Variants in GGA3 observed in about 807,000 individuals in gnomAD.
GGA3 encodes the protein golgi associated, gamma adaptin ear containing, ARF binding protein 3.
Under a neutral mutation model 77.5 loss-of-function variants are expected in GGA3, and 57 were observed. That is an observed-to-expected ratio of 0.74 (90% confidence interval 0.59 to 0.92). GGA3 has a LOEUF of 0.92. GGA3 is among the 40% of genes least tolerant of loss of function. The probability of loss-of-function intolerance (pLI) is 0.00; values close to 1 mark genes in which losing one functional copy is unlikely to be tolerated. For missense variants in GGA3, 970 were observed against 914.9 expected (o/e 1.06, Z -0.78); for synonymous variants, 416 against 383.7 (o/e 1.08, Z -0.98).
intron 1 of GGA3, among the ~76,000 whole-genome samples, chr17:75,253,746 G>A (rs1407758013): frequency 6.6e-6 from 1 of 151,934 alleles, no homozygotes. Context: ...TGGAGGGTAA[G>A]AACCCTCGAA....
At chr17:75,251,102 C>G (rs950094181) in intron 1 of GGA3, among the ~76,000 whole-genome samples, 4 of 151,744 alleles carry the variant, frequency 2.6e-5, no homozygotes, top group African/African-American at 9.7e-5. Flanking sequence ...ATCTACGTAA[C>G]AAATGACTTA....
In GGA3 at chr17:75,237,444, T is replaced by A; in HGVS notation, c.*835A>T. On this transcript the variant is annotated 3_prime_UTR_variant, in exon 17 of 17. Transcript: ENST00000537686. Reference sequence around the variant, plus strand: ...TAGATTCCAAGGGGAGGATAGCAGTTTATTTCATGCCAAGCAAGAGGTAGT... The same window carrying A: ...TAGATTCCAAGGGGAGGATAGCAGTATATTTCATGCCAAGCAAGAGGTAGT... 1.3e-6 allele frequency: 2 copies of A among 1,524,298 alleles called. No homozygotes were observed. Among genetic ancestry groups the A allele is most frequent in the Non-Finnish European group, 1.8e-6 (2 of 1,136,186 alleles). The allele number at this position is 1,524,298 out of a possible 1,614,324, so 94.4% of individuals were successfully genotyped here.
At chr17:75,252,245 T>TA (rs772313660) in intron 1 of GGA3, among the ~76,000 whole-genome samples, 1 of 151,682 alleles carries the variant, frequency 6.6e-6, no homozygotes, top group East Asian at 1.9e-4. Context: ...GTTCTTTTTT[T>TA]AGAGATGGGG....
intron 1 of GGA3, among the ~76,000 whole-genome samples, chr17:75,251,448 C>T (rs2076962498): frequency 6.6e-6 from 1 of 151,930 alleles, no homozygotes. Context: ...TGGCTCACAC[C>T]CGCAATCCCA....
Position 75,236,956 on chromosome 17 carries a change from A to C in GGA3, c.*1323T>G. 6.0e-6 allele frequency: 1 copy of C among 166,076 alleles called. No individual in the cohort carries two copies. The highest frequency in any genetic ancestry group is 1.3e-5 in the Non-Finnish European group (1 of 75,118). The allele number at this position is 166,076 out of a possible 1,614,324, so 10.3% of individuals were successfully genotyped here. A position where few individuals can be genotyped will look rare whatever the true frequency, so the allele number is the denominator to read the frequency against. The stretch of plus-strand genomic sequence containing the variant: ...ATAGTAAGGAATAAGGAAGCCTGGC[A>C]AGGGGCAGGGAGGAACCAGGGAACA... On this transcript the variant is annotated 3_prime_UTR_variant, in exon 17 of 17. Transcript: ENST00000537686.
At chr17:75,258,211 C>T (rs1473969303) in intron 1 of GGA3, among the ~76,000 whole-genome samples, 1 of 152,192 alleles carries the variant, frequency 6.6e-6, no homozygotes, top group Admixed American at 6.6e-5. Flanking sequence ...CTGCCTGCAT[C>T]CAGGTGAAAT....
intron 10 of GGA3, 115 bp from the exon 11 acceptor site, chr17:75,241,172 C>T (rs116250313): frequency 1.4e-5 from 17 of 1,253,214 alleles, no homozygotes; most frequent in African/African-American, 1.0e-4. Context: ...CCTAATCCAA[C>T]GGCATCTCTG....
At chr17:75,262,161 T>G, upstream of GGA3, 3 of 758,772 alleles carry the variant, frequency 4.0e-6, no homozygotes, top group Non-Finnish European at 6.3e-6. Flanking sequence ...ACCTCTCGCC[T>G]AAGGAGTCTG....
chr17:75,253,037 C>G lies in GGA3; in HGVS notation c.41-6241G>C, dbSNP rs933360400. Among the ~76,000 whole-genome samples, 3 of 152,344 alleles carry G rather than the reference C, an allele frequency of 2.0e-5. No individual in the cohort carries two copies. The South Asian group carries it at 6.2e-4, about 32-fold the overall frequency. ...CAAAGCCTGTTTGGTGGTCTCTTCA[C>G]ATGGACGCGCATGAAATTTGGTGCC... is the stretch of plus-strand genomic sequence containing the variant. On this transcript the variant is annotated intron_variant, in intron 1 of 16. Transcript: ENST00000537686.
chr17:75,244,840 C>T (rs373096101), intron 3 of GGA3, 123 bp from the exon 4 acceptor site: 8 of 701,102 alleles, frequency 1.1e-5, no homozygotes, highest in Admixed American at 4.4e-5. Flanking sequence ...GAGCTCATCA[C>T]GAAAAGCAGT....
Position 75,237,403 on chromosome 17 carries a change from G to C in GGA3, c.*876C>G. 1 of 1,285,242 alleles carries C rather than the reference G, an allele frequency of 7.8e-7. No individual in the cohort carries two copies. Among genetic ancestry groups the C allele is most frequent in the Non-Finnish European group, 1.1e-6 (1 of 917,546 alleles). 79.6% of individuals were successfully genotyped at this position (1,285,242 alleles called of 1,614,324 possible). On this transcript the variant is annotated 3_prime_UTR_variant, in exon 17 of 17. Coordinates refer to ENST00000537686, the MANE Select transcript of GGA3 (RefSeq NM_138619.4). ...AGAGGAGAGGGAGGCCAAAGCAGTA[G>C]GATGTAGAGTGGCGGTAGATTCCAA...
chr17:75,248,451 A>AATTC (rs2076831648), intron 1 of GGA3, among the ~76,000 whole-genome samples: 5 of 95,024 alleles, frequency 5.3e-5, no homozygotes, highest in Admixed American at 3.1e-4. Flanking sequence ...AGCCTGGGCG[A>AATTC]CAGCGAGACT....
chr17:75,262,145 G>C, upstream of GGA3: 1 of 837,342 alleles, frequency 1.2e-6, no homozygotes, highest in East Asian at 2.6e-5. Context: ...CGAAGGTTTA[G>C]TGACTACCTC....
Position 75,239,857 on chromosome 17 carries a change from G to A in GGA3, c.1515C>T (p.Gly505=), listed in dbSNP as rs73998421. The change falls in exon 13 of 17, where the codon GGC becomes GGT. Residue 505 remains glycine (G), a synonymous_variant. Coordinates refer to ENST00000537686, the MANE Select transcript of GGA3 (RefSeq NM_138619.4). ...KVEPAVPGHH[G]LALGNSALHH... is the part of the protein sequence containing the mutation. ...GCAGCGCGCTGTTGCCCAACGCCAA[G>A]CCATGGTGCCCAGGGACTGCGGGCT... 6.9e-4 allele frequency: 1,110 copies of A among 1,614,048 alleles called. 10 individuals are homozygous for A. In the African/African-American group the frequency reaches 0.012, roughly 17 times the overall value.
At chr17:75,252,126 T>C (rs908991442) in intron 1 of GGA3, among the ~76,000 whole-genome samples, 1 of 151,636 alleles carries the variant, frequency 6.6e-6, no homozygotes, top group African/African-American at 2.4e-5. Flanking sequence ...GTCACCCAGG[T>C]TGGAGTGCAG....
In GGA3 at chr17:75,243,118, G is replaced by C. The variant is rs748213030; in HGVS notation, c.473C>G (p.Pro158Arg). ...PPIPVDRTLIPSPPPRPKNPV... is the reference protein window; with the variant it reads ...PPIPVDRTLIRSPPPRPKNPV... ...GTTTTTGGGACGAGGTGGTGGAGAGGGGATCAGCGTCCTATCCACAGGAAT... is the reference window on the plus strand; with the variant it reads ...GTTTTTGGGACGAGGTGGTGGAGAGCGGATCAGCGTCCTATCCACAGGAAT... Residue 158 changes from proline to arginine, a missense_variant, in exon 6 of 17, where the codon CCC becomes CGC. Coordinates refer to ENST00000537686, the MANE Select transcript of GGA3 (RefSeq NM_138619.4). 13 of 1,613,316 alleles carry C rather than the reference G, an allele frequency of 8.1e-6. No individual in the cohort carries two copies. Among genetic ancestry groups the C allele is most frequent in the Non-Finnish European group, 1.0e-5 (12 of 1,179,728 alleles).
chr17:75,249,606 A>G, intron 1 of GGA3, among the ~76,000 whole-genome samples: 1 of 152,238 alleles, frequency 6.6e-6, no homozygotes, highest in East Asian at 1.9e-4. Context: ...TCAGGTGCTT[A>G]AAGTTCTCAC....
rs866396319 is a variant in GGA3 at position 75,239,539 on chromosome 17, G to T, written c.1616C>A (p.Pro539His). The T allele has an allele frequency of 1.9e-6, 3 of 1,563,358 alleles. No individual in the cohort carries two copies. The highest frequency in any genetic ancestry group is 2.0e-5 in the Admixed American group (1 of 50,328). The stretch of plus-strand genomic sequence containing the variant: ...GGCTGGGGTGGTGGTGGGGATGAGA[G>T]GGGAGGTAGTGGGTTTCACCAAGCC... Reference protein sequence around the residue: ...TSGLVKPTTSPLIPTTTPARP... With the variant: ...TSGLVKPTTSHLIPTTTPARP... The change falls in exon 14 of 17, where the codon CCT (proline) becomes CAT (histidine). Residue 539 changes from proline (P) to histidine (H), a missense_variant. Coordinates refer to ENST00000537686, the MANE Select transcript of GGA3 (RefSeq NM_138619.4).
chr17:75,239,359 A>G lies in GGA3; in HGVS notation c.1780+16T>C, dbSNP rs2076440259. The G allele has an allele frequency of 6.6e-7, 1 of 1,524,676 alleles. No individual in the cohort carries two copies. The highest frequency in any genetic ancestry group is 1.4e-5 in the African/African-American group (1 of 71,592). The allele number at this position is 1,524,676 out of a possible 1,614,324, so 94.4% of individuals were successfully genotyped here. A position where few individuals can be genotyped will look rare whatever the true frequency, so the allele number is the denominator to read the frequency against. On this transcript the variant is annotated intron_variant, in intron 14 of 16. Transcript: ENST00000537686. ...AGGCCCCACCGCCCCACCCACCTCA[A>G]TCCTCCAACACCTACTAGGCTTGAT...
Sources: gnomAD v4.1 joint callset for allele counts (sites outside exome capture counted in the v4.1 genomes callset) on GRCh38, gnomAD v4.1.1 for gene constraint, MANE v1.5 for transcripts, NCBI Gene and HGNC (gene_info 2026-07-23, HGNC 2026-07-21) for gene names.